Variants in PARD3 observed in about 807,000 individuals in gnomAD.
PARD3 encodes partitioning defective 3 homolog.
PARD3 carries 75 observed loss-of-function variants against 155.4 expected under a neutral mutation model. The ratio of observed to expected loss-of-function variants is 0.48; its 90% CI spans 0.40 to 0.58. PARD3 has a LOEUF of 0.58. Ranked by LOEUF, PARD3 falls within the 20% of genes least tolerant of loss-of-function variation. PARD3 has a pLI of 0.00. For missense variants in PARD3, 1,642 were observed against 1,721.7 expected (o/e 0.95, Z 0.82); for synonymous variants, 576 against 610.5 (o/e 0.94, Z 0.83).
intron 2 of PARD3, among the ~76,000 whole-genome samples, chr10:34,688,751 A>G (rs1439252693): frequency 6.6e-6 from 1 of 152,218 alleles, no homozygotes; most frequent in Non-Finnish European, 1.5e-5. Flanking sequence ...CTGTGCCCTG[A>G]ACGTTAATAA....
intron 2 of PARD3, among the ~76,000 whole-genome samples, chr10:34,524,814 G>A (rs773970): frequency 0.49 from 73,826 of 152,070 alleles, 20,064 homozygotes; most frequent in African/African-American, 0.75. Context: ...ACTGGAGGAA[G>A]TGGCACGAGT....
chr10:34,453,325 T>A (rs1406750513), intron 4 of PARD3, among the ~76,000 whole-genome samples: 1 of 152,316 alleles, frequency 6.6e-6, no homozygotes, highest in South Asian at 2.1e-4. Context: ...TTGTTACCAC[T>A]CTGTTCTAAT....
At chr10:34,159,722 C>T (rs1260185936) in intron 22 of PARD3, among the ~76,000 whole-genome samples, 1 of 152,212 alleles carries the variant, frequency 6.6e-6, no homozygotes, top group Non-Finnish European at 1.5e-5. Flanking sequence ...ATACATGAGG[C>T]TCTATTCTAG....
chr10:34,510,892 C>A (rs868146754), intron 3 of PARD3, among the ~76,000 whole-genome samples: 3 of 152,070 alleles, frequency 2.0e-5, no homozygotes, highest in East Asian at 1.9e-4. Flanking sequence ...ATTTCAATAA[C>A]CTTATTGCAT....
intron 2 of PARD3, among the ~76,000 whole-genome samples, chr10:34,584,948 T>G (rs1221244129): frequency 1.3e-5 from 2 of 152,192 alleles, no homozygotes; most frequent in Admixed American, 1.3e-4. Flanking sequence ...AGACTTTTTT[T>G]TCATCTTTTG....
intron 2 of PARD3, among the ~76,000 whole-genome samples, chr10:34,524,729 A>C (rs891643417): frequency 6.6e-6 from 1 of 152,216 alleles, no homozygotes; most frequent in African/African-American, 2.4e-5. Context: ...TATTAATAAA[A>C]AGTAGGATAG....
rs1236440173 is a variant in PARD3 at position 34,608,678 on chromosome 10, G to GCA, written c.222+87639_222+87640insTG. 3.0e-4 allele frequency among the ~76,000 whole-genome samples: 46 copies of GCA among 151,886 alleles called. 1 individual carries two copies. In the East Asian group the frequency reaches 6.2e-3, roughly 20 times the overall value. On this transcript the variant is annotated intron_variant, in intron 2 of 24. Transcript: ENST00000374788. Reference sequence around the variant, plus strand: ...GCCTCCCGAGTAGCTGGGATTACAGGTGCCTGCCACCACGCTCGCCTAATT... The same window carrying GCA: ...GCCTCCCGAGTAGCTGGGATTACAGGCATGCCTGCCACCACGCTCGCCTAATT...
intron 7 of PARD3, among the ~76,000 whole-genome samples, chr10:34,393,836 ATTT>A (rs11330074): frequency 2.1e-4 from 27 of 128,784 alleles, no homozygotes; most frequent in African/African-American, 2.4e-4. Flanking sequence ...AATAGTAGTA[ATTT>A]TTTTTTTTTT....
intron 22 of PARD3, among the ~76,000 whole-genome samples, chr10:34,204,120 C>T (rs1471958317): frequency 6.6e-6 from 1 of 152,150 alleles, no homozygotes; most frequent in Admixed American, 6.5e-5. Flanking sequence ...GTAAGTACAT[C>T]AACATTTACT....
chr10:34,367,964 A>C (rs931162173), intron 12 of PARD3, among the ~76,000 whole-genome samples: 1 of 152,012 alleles, frequency 6.6e-6, no homozygotes, highest in African/African-American at 2.4e-5. Context: ...TTGAAAGTTA[A>C]GCATGTGGCT....
chr10:34,112,179 A>G (rs1946418190), intron 24 of PARD3, among the ~76,000 whole-genome samples: 2 of 152,218 alleles, frequency 1.3e-5, no homozygotes, highest in African/African-American at 4.8e-5. Context: ...ACTCTCCGGG[A>G]TACCTGCTCA....
chr10:34,284,181 A>G lies in PARD3; in HGVS notation c.3130T>C (p.Phe1044Leu). Residue 1044 changes from phenylalanine to leucine, a missense_variant, in exon 21 of 25, where the codon TTT becomes CTT. Transcript: ENST00000374788. ...CGTATCCTCTCCTCTTCTGATGTAA[A>G]GGATTCCTGTATTTTTATTTTACCC... ...KTGKIKIQES[F>L]TSEEERIRMK... is the part of the protein sequence containing the mutation. 1 of 1,610,558 alleles carries G rather than the reference A, an allele frequency of 6.2e-7. No individual in the cohort carries two copies.
At chr10:34,135,716 ACAGAAACC>A (rs1428788359) in intron 22 of PARD3, among the ~76,000 whole-genome samples, 1 of 152,192 alleles carries the variant, frequency 6.6e-6, no homozygotes, top group East Asian at 1.9e-4. Context: ...ATGAGAGGGA[ACAGAAACC>A]TTACAACAGC....
chr10:34,745,162 G>A (rs148091728), intron 1 of PARD3, among the ~76,000 whole-genome samples: 23 of 152,256 alleles, frequency 1.5e-4, no homozygotes, highest in African/African-American at 2.6e-4. Context: ...AGGAGTTTGC[G>A]ACCAGCTTGG....
At chr10:34,583,058 A>T (rs529866396) in intron 2 of PARD3, among the ~76,000 whole-genome samples, 16 of 152,334 alleles carry the variant, frequency 1.1e-4, no homozygotes, top group Non-Finnish European at 2.2e-4. Flanking sequence ...CTTTCACATA[A>T]GAGAGAAACA....
chr10:34,417,709 C>A (rs1184079382), intron 5 of PARD3, among the ~76,000 whole-genome samples: 4 of 152,190 alleles, frequency 2.6e-5, no homozygotes, highest in Non-Finnish European at 5.9e-5. Flanking sequence ...GCTTTTCTGA[C>A]TTTTCACCAC....
intron 10 of PARD3, among the ~76,000 whole-genome samples, chr10:34,375,448 G>T (rs1257697817): frequency 3.9e-5 from 6 of 152,090 alleles, no homozygotes; most frequent in Admixed American, 2.6e-4. Context: ...TTTTGGTACA[G>T]TATTTTCACT....
chr10:34,330,124 T>C (rs551934250), intron 19 of PARD3, among the ~76,000 whole-genome samples: 1 of 152,284 alleles, frequency 6.6e-6, no homozygotes, highest in South Asian at 2.1e-4. Flanking sequence ...TACAATAGTT[T>C]GATGGTTGAG....
chr10:34,688,528 G>A (rs767790421), intron 2 of PARD3, among the ~76,000 whole-genome samples: 60 of 152,204 alleles, frequency 3.9e-4, no homozygotes, highest in Non-Finnish European at 7.1e-4. Flanking sequence ...GAGATGCTAA[G>A]AGTAAACACG....
Sources: allele counts gnomAD v4.1 joint callset (sites outside exome capture counted in the v4.1 genomes callset), GRCh38; gene constraint gnomAD v4.1.1; transcripts MANE v1.5; gene names NCBI Gene and HGNC (gene_info 2026-07-23, HGNC 2026-07-21).